The following ALDH1A2 variants were observed in gnomAD, a reference collection of about 807,000 sequenced individuals.
ALDH1A2 encodes aldehyde dehydrogenase 1 family member A2.
Under a neutral mutation model 60.3 loss-of-function variants are expected in ALDH1A2, and 27 were observed. The observed-to-expected ratio is 0.45, with a 90% CI of 0.33 to 0.62. ALDH1A2 has a LOEUF of 0.62. ALDH1A2 is among the 20% of genes least tolerant of loss of function. The pLI is 0.02. For synonymous variants in ALDH1A2, 289 were observed against 232.4 expected (o/e 1.24, Z -2.21); for missense variants, 581 against 643.8 (o/e 0.90, Z 1.06).
At chr15:57,973,598 T>C (rs1363363559) in intron 7 of ALDH1A2, among the ~76,000 whole-genome samples, 1 of 152,230 alleles carries the variant, frequency 6.6e-6, no homozygotes, top group East Asian at 1.9e-4. Context: ...TTGGGGATTA[T>C]GTGATCGTTT....
intron 1 of ALDH1A2, among the ~76,000 whole-genome samples, chr15:58,019,843 T>C (rs1313726717): frequency 6.6e-6 from 1 of 152,192 alleles, no homozygotes; most frequent in Non-Finnish European, 1.5e-5. Flanking sequence ...TTATTTAAGT[T>C]CTGGGATACA....
intron 1 of ALDH1A2, chr15:58,036,664 T>A (rs565253778): frequency 6.6e-6 from 1 of 151,752 alleles, no homozygotes; most frequent in African/African-American, 2.4e-5. Context: ...CATGAAATTG[T>A]AAGTACGACT....
chr15:58,000,725 A>G (rs1895237194), intron 4 of ALDH1A2, among the ~76,000 whole-genome samples: 1 of 151,934 alleles, frequency 6.6e-6, no homozygotes, highest in African/African-American at 2.4e-5. Flanking sequence ...GAATGTACAC[A>G]CTAAGCAACT....
intron 4 of ALDH1A2, among the ~76,000 whole-genome samples, chr15:57,996,925 A>G (rs551141023): frequency 2.6e-5 from 4 of 151,882 alleles, no homozygotes; most frequent in Admixed American, 1.3e-4. Context: ...ATTGTTTGCT[A>G]TTTTTCTATT....
chr15:58,014,080 C>G (rs1019694699), intron 2 of ALDH1A2, 82 bp from the exon 3 acceptor site: 4 of 1,613,948 alleles, frequency 2.5e-6, no homozygotes, highest in Non-Finnish European at 3.4e-6. Context: ...AAAAGTGAAG[C>G]ATGAGCATGT....
At chr15:57,983,374 C>G (rs1223447542) in intron 7 of ALDH1A2, among the ~76,000 whole-genome samples, 1 of 152,152 alleles carries the variant, frequency 6.6e-6, no homozygotes, top group Non-Finnish European at 1.5e-5. Flanking sequence ...TTCCTTTCCT[C>G]GAATTTCTTT....
intron 1 of ALDH1A2, among the ~76,000 whole-genome samples, chr15:58,045,184 C>G (rs1401504230): frequency 1.3e-5 from 2 of 151,976 alleles, no homozygotes; most frequent in Admixed American, 1.3e-4. Context: ...CAAATCAAAG[C>G]CACAGAGAGA....
chr15:57,991,587 A>G (rs1894897432), intron 7 of ALDH1A2: 1 of 152,234 alleles, frequency 6.6e-6, no homozygotes, highest in Non-Finnish European at 1.5e-5. Context: ...TAGTCTGAAG[A>G]GATGTGCTGT....
intron 4 of ALDH1A2, among the ~76,000 whole-genome samples, chr15:57,998,738 G>C (rs1257609720): frequency 1.3e-5 from 2 of 151,996 alleles, no homozygotes; most frequent in Admixed American, 6.6e-5. Context: ...AGCCCATATA[G>C]CCAAGACAAT....
At chr15:58,043,738 G>A (rs1382601684) in intron 1 of ALDH1A2, among the ~76,000 whole-genome samples, 1 of 151,778 alleles carries the variant, frequency 6.6e-6, no homozygotes, top group African/African-American at 2.4e-5. Flanking sequence ...CCAAAAAACG[G>A]TTTTTGTTTC....
rs113254272 is a variant in ALDH1A2, at chr15:58,025,922, G to A, written c.118-11641C>T. On this transcript the variant is annotated intron_variant, in intron 1 of 12. Coordinates refer to ENST00000249750, the MANE Select transcript of ALDH1A2 (RefSeq NM_003888.4). The stretch of plus-strand genomic sequence containing the variant: ...GCAAGAACTCACTCATTACCTCAGA[G>A]AGTGCACCAAGCCACTACTGACAGA... Among the ~76,000 whole-genome samples, 9 of 152,280 alleles carry A rather than the reference G, an allele frequency of 5.9e-5. 1 individual carries two copies. Among genetic ancestry groups the A allele is most frequent in the African/African-American group, 2.2e-4 (9 of 41,558 alleles).
chr15:57,960,195 T>A (rs7170896), intron 12 of ALDH1A2, among the ~76,000 whole-genome samples: 55,856 of 151,976 alleles, frequency 0.37, 10,983 homozygotes, highest in Non-Finnish European at 0.45. Flanking sequence ...TTAAATGCCT[T>A]AAGGACCTGC....
intron 7 of ALDH1A2, 64 bp downstream of exon 7, chr15:57,992,640 GT>G: frequency 1.4e-6 from 2 of 1,468,604 alleles, no homozygotes; most frequent in Non-Finnish European, 1.9e-6. Flanking sequence ...TAGTTTTATT[GT>G]TTTTGTAACC....
chr15:58,062,347 G>A (rs1461958977), intron 1 of ALDH1A2, among the ~76,000 whole-genome samples: 3 of 152,098 alleles, frequency 2.0e-5, no homozygotes, highest in African/African-American at 4.8e-5. Flanking sequence ...AGCCAGAAGA[G>A]AAGATAGAGC....
intron 4 of ALDH1A2, among the ~76,000 whole-genome samples, chr15:58,006,479 T>C (rs761784033): frequency 1.3e-4 from 19 of 151,990 alleles, no homozygotes; most frequent in Non-Finnish European, 2.4e-4. Flanking sequence ...TAGACATGCA[T>C]GTGCATGTGT....
intron 8 of ALDH1A2, among the ~76,000 whole-genome samples, chr15:57,965,205 T>C (rs34003390): frequency 3.0e-4 from 45 of 152,236 alleles, no homozygotes; most frequent in African/African-American, 1.1e-3. Flanking sequence ...TTAGGACTAC[T>C]CATACCGAAC....
intron 1 of ALDH1A2, among the ~76,000 whole-genome samples, chr15:58,053,049 T>C (rs1457096523): frequency 1.3e-5 from 2 of 152,154 alleles, no homozygotes; most frequent in African/African-American, 4.8e-5. Context: ...CGAAGATGTA[T>C]GGACCACACT....
chr15:58,064,397 T>C (rs1166348485), intron 1 of ALDH1A2, among the ~76,000 whole-genome samples: 2 of 152,278 alleles, frequency 1.3e-5, no homozygotes, highest in Non-Finnish European at 2.9e-5. Context: ...TAAAACTCAA[T>C]GCAAGTAAAA....
At chr15:57,976,405 T>C (rs1478083792) in intron 7 of ALDH1A2, among the ~76,000 whole-genome samples, 1 of 152,200 alleles carries the variant, frequency 6.6e-6, no homozygotes, top group African/African-American at 2.4e-5. Flanking sequence ...TAGCTATTTC[T>C]CCTAATGTTA....
Sources: allele counts gnomAD v4.1 joint callset (sites outside exome capture counted in the v4.1 genomes callset), GRCh38; gene constraint gnomAD v4.1.1; transcripts MANE v1.5; gene names NCBI Gene and HGNC (gene_info 2026-07-23, HGNC 2026-07-21).